The following DNAJC11 variants were observed in gnomAD, a reference collection of about 807,000 sequenced individuals.
DNAJC11 encodes the protein DnaJ heat shock protein family (Hsp40) member C11.
In DNAJC11, 15 loss-of-function variants were observed where a neutral mutation model predicts 78.6. The observed-to-expected ratio is 0.19, with a 90% CI of 0.13 to 0.29. The LOEUF (loss-of-function observed/expected upper bound fraction) is 0.29, where lower values mean the gene tolerates loss of function less well. Ranked by LOEUF, DNAJC11 falls within the 10% of genes least tolerant of loss-of-function variation. DNAJC11 has a pLI of 1.00. For synonymous variants in DNAJC11, 292 were observed against 272.1 expected, an observed-to-expected ratio of 1.07 and a Z score of -0.72; for missense variants, 547 against 709.6, an observed-to-expected ratio of 0.77 and a Z score of 2.60.
chr1:6,691,781 A>G (rs113911106), intron 1 of DNAJC11, among the ~76,000 whole-genome samples: 160 of 152,312 alleles, frequency 1.1e-3, no homozygotes, highest in African/African-American at 3.6e-3. Flanking sequence ...AGGAGGTTCC[A>G]CTCCAAGCTG....
At chr1:6,685,423 A>C (rs1320645703) in intron 1 of DNAJC11, among the ~76,000 whole-genome samples, 3 of 152,236 alleles carry the variant, frequency 2.0e-5, no homozygotes, top group Non-Finnish European at 4.4e-5. Context: ...AACAAACGTG[A>C]GCCTAAAAGA....
chr1:6,681,566 C>T (rs544573095), intron 1 of DNAJC11, among the ~76,000 whole-genome samples: 5 of 152,340 alleles, frequency 3.3e-5, no homozygotes, highest in Admixed American at 2.0e-4. Context: ...GAAATGCTTC[C>T]CTAACCTGTA....
rs552109783 is a variant in DNAJC11, at chr1:6,689,707, C to T, written c.73-8670G>A. ...AGGAGAATTGCTTGAACCCAGGAGG[C>T]GGAGGTTGTGGTGAGCTGAGATTGC... On this transcript the variant is annotated intron_variant, in intron 1 of 15. Coordinates refer to ENST00000377577, the MANE Select transcript of DNAJC11 (RefSeq NM_018198.4). Among the ~76,000 whole-genome samples the T allele has an allele frequency of 4.8e-4, 73 of 151,032 alleles. 2 individuals are homozygous for T. The South Asian group carries it at 0.013, about 28-fold the overall frequency.
chr1:6,671,194 G>T (rs771686133), intron 3 of DNAJC11, among the ~76,000 whole-genome samples: 5 of 152,156 alleles, frequency 3.3e-5, no homozygotes, highest in Non-Finnish European at 5.9e-5. Context: ...TGGATAAAGA[G>T]ATTTGATTTG....
intron 1 of DNAJC11, among the ~76,000 whole-genome samples, chr1:6,689,551 G>A (rs934730541): frequency 2.0e-5 from 3 of 152,146 alleles, no homozygotes; most frequent in Non-Finnish European, 4.4e-5. Context: ...ACTTTGGGAT[G>A]CTGAGGCGAG....
intron 4 of DNAJC11, among the ~76,000 whole-genome samples, chr1:6,666,691 C>T (rs1402565167): frequency 2.6e-5 from 4 of 152,078 alleles, no homozygotes; most frequent in South Asian, 2.1e-4. Context: ...AGTGAGCCAC[C>T]GCACCCGGCC....
chr1:6,645,249 G>A lies in DNAJC11; in HGVS notation c.895-123C>T, dbSNP rs1034418385. On this transcript the variant is annotated intron_variant, in intron 8 of 15. Coordinates refer to ENST00000377577, the MANE Select transcript of DNAJC11 (RefSeq NM_018198.4). The surrounding 1 kb of genome is among the most constrained non-coding windows in gnomAD (Gnocchi z 4.1). ...CACAGGCCTTTAAGGCAGGGGTCAC[G>A]GTCTGGCAGCCGCAGTGAGTGCACC... 1.1e-4 allele frequency: 80 copies of A among 724,670 alleles called. 1 individual carries two copies. Among genetic ancestry groups the A allele is most frequent in the South Asian group, 1.7e-4 (10 of 58,460 alleles). The allele number at this position is 724,670 out of a possible 1,614,324, so 44.9% of individuals were successfully genotyped here.
At chr1:6,696,816 T>C (rs1416056314) in intron 1 of DNAJC11, among the ~76,000 whole-genome samples, 1 of 152,198 alleles carries the variant, frequency 6.6e-6, no homozygotes, top group Non-Finnish European at 1.5e-5. Context: ...TGTTTAAAAG[T>C]TGAAAAGGAG....
chr1:6,637,736 C>T (rs994197252), intron 12 of DNAJC11: 1 of 591,744 alleles, frequency 1.7e-6, no homozygotes, highest in Non-Finnish European at 3.0e-6. Context: ...AACGGCATGA[C>T]CCTCCGGTGG....
At chr1:6,679,366 A>G (rs1642520155) in intron 2 of DNAJC11, among the ~76,000 whole-genome samples, 1 of 152,252 alleles carries the variant, frequency 6.6e-6, no homozygotes, top group South Asian at 2.1e-4. Context: ...CACATCACCC[A>G]AAATACATCA....
chr1:6,641,893 G>A (rs1641883621), intron 10 of DNAJC11, among the ~76,000 whole-genome samples: 2 of 152,170 alleles, frequency 1.3e-5, no homozygotes, highest in East Asian at 3.8e-4. Flanking sequence ...TGCAGGAGAT[G>A]GCCCTTCAGA....
At position 6,691,368 on chromosome 1, in the gene DNAJC11, TA is replaced by T. The variant is rs555623808; in HGVS notation, c.73-10332del. ...TGCAAGGGCTCAGGAAATCTTCTGC[TA>T]CCATTGTACAACTTGGTTTTCATTA... On this transcript the variant is annotated intron_variant, in intron 1 of 15. Transcript: ENST00000377577. 2.9e-4 allele frequency among the ~76,000 whole-genome samples: 44 copies of T among 152,260 alleles called. 1 individual carries two copies. The highest frequency in any genetic ancestry group is 1.0e-3 in the African/African-American group (42 of 41,554).
intron 1 of DNAJC11, among the ~76,000 whole-genome samples, chr1:6,694,580 G>A (rs948752084): frequency 1.3e-5 from 2 of 152,018 alleles, no homozygotes; most frequent in African/African-American, 4.8e-5. Flanking sequence ...GACTCTGCAT[G>A]CGGTAAACAA....
At chr1:6,644,113 A>C (rs766885039) in intron 10 of DNAJC11, among the ~76,000 whole-genome samples, 5 of 150,514 alleles carry the variant, frequency 3.3e-5, no homozygotes, top group Non-Finnish European at 7.4e-5. Context: ...CTCGTGATCC[A>C]CGGCACCTGG....
rs550899763 is a variant in DNAJC11, at chr1:6,639,047, T to TA, written c.1254-684dup. Among the ~76,000 whole-genome samples, 6 of 152,226 alleles carry TA rather than the reference T, an allele frequency of 3.9e-5. No individual in the cohort carries two copies. The East Asian group carries it at 5.8e-4, about 15-fold the overall frequency. On this transcript the variant is annotated intron_variant, in intron 11 of 15. Transcript: ENST00000377577. ...ATTCATTCCTTTATCTGAGATTCTC[T>TA]AAGTGCAATGCTTTACTAAATGAGA...
chr1:6,659,706 A>T (rs1216241555), intron 4 of DNAJC11, among the ~76,000 whole-genome samples: 1 of 151,954 alleles, frequency 6.6e-6, no homozygotes, highest in Non-Finnish European at 1.5e-5. Flanking sequence ...GGTTACACTG[A>T]GCCAGGACAG....
intron 1 of DNAJC11, among the ~76,000 whole-genome samples, chr1:6,699,189 A>G (rs1642886241): frequency 6.6e-6 from 1 of 151,748 alleles, no homozygotes; most frequent in Non-Finnish European, 1.5e-5. Context: ...GGTCCTAGCT[A>G]CTAGCGAGTC....
At chr1:6,696,913 A>G (rs1243812360) in intron 1 of DNAJC11, among the ~76,000 whole-genome samples, 3 of 152,272 alleles carry the variant, frequency 2.0e-5, no homozygotes, top group Non-Finnish European at 4.4e-5. Flanking sequence ...TTCAAAGACA[A>G]TGATAAAGTT....
chr1:6,678,101 C>T (rs1051480451), intron 3 of DNAJC11, among the ~76,000 whole-genome samples: 2 of 152,148 alleles, frequency 1.3e-5, no homozygotes, highest in Non-Finnish European at 1.5e-5. Flanking sequence ...CGCTTGCTCC[C>T]GCCCCACACC....
Sources: gnomAD v4.1 joint callset for allele counts (sites outside exome capture counted in the v4.1 genomes callset) on GRCh38, gnomAD v4.1.1 for gene constraint, Gnocchi (gnomAD v3.1) non-coding constraint, MANE v1.5 for transcripts, NCBI Gene and HGNC (gene_info 2026-07-23, HGNC 2026-07-21) for gene names.